The following IKZF1 variants were observed in gnomAD, a reference collection of about 807,000 sequenced individuals.
The protein encoded by IKZF1 is DNA-binding protein Ikaros.
A neutral mutation model predicts 51.7 loss-of-function variants in IKZF1; 10 were observed. The ratio of observed to expected loss-of-function variants is 0.19; its 90% CI spans 0.12 to 0.33. The LOEUF is 0.33. IKZF1 is among the 10% of genes least tolerant of loss of function. The probability of loss-of-function intolerance (pLI) is 1.00; values close to 1 mark genes in which losing one functional copy is unlikely to be tolerated. For synonymous variants in IKZF1, 280 were observed against 282.3 expected, an observed-to-expected ratio of 0.99 and a Z score of 0.08; for missense variants, 484 against 707.5, an observed-to-expected ratio of 0.68 and a Z score of 3.58.
At chr7:50,390,839 G>A (rs1814836783) in intron 6 of IKZF1, among the ~76,000 whole-genome samples, 1 of 151,380 alleles carries the variant, frequency 6.6e-6, no homozygotes, top group Non-Finnish European at 1.5e-5. Flanking sequence ...AATAGAGATG[G>A]ATACCCTACT....
chr7:50,394,739 A>G (rs1237424257), intron 7 of IKZF1, among the ~76,000 whole-genome samples: 1 of 152,214 alleles, frequency 6.6e-6, no homozygotes, highest in Non-Finnish European at 1.5e-5. Context: ...TCTATAACCT[A>G]TGATTAAAAT....
intron 3 of IKZF1, chr7:50,327,974 C>T (rs753276411): frequency 3.1e-5 from 16 of 521,450 alleles, no homozygotes; most frequent in South Asian, 1.1e-4. Flanking sequence ...CCACACACCC[C>T]GCAAAATGTC....
intron 3 of IKZF1, among the ~76,000 whole-genome samples, chr7:50,330,404 G>A (rs1291856949): frequency 3.3e-5 from 5 of 152,184 alleles, no homozygotes; most frequent in African/African-American, 1.2e-4. Flanking sequence ...GGCCACAGGA[G>A]TGATAGGTTA....
chr7:50,360,293 G>T (rs1020699544), intron 3 of IKZF1, among the ~76,000 whole-genome samples: 2 of 152,186 alleles, frequency 1.3e-5, no homozygotes, highest in Admixed American at 6.5e-5. Flanking sequence ...GGGAATGGCC[G>T]TGTCTGTCTG....
At chr7:50,378,192 A>G (rs973799691) in intron 4 of IKZF1, among the ~76,000 whole-genome samples, 5 of 152,232 alleles carry the variant, frequency 3.3e-5, no homozygotes, top group Admixed American at 6.5e-5. Flanking sequence ...TTTGTAGTGT[A>G]TCTGAAAACC....
Position 50,401,580 on chromosome 7 carries a change from C to T in IKZF1, c.*953C>T. ...GAAACCAAAGCTTTATTTCAAATCT[C>T]TTCCTTCCCTGGCTGGTTCCATCTA... On this transcript the variant is annotated 3_prime_UTR_variant, in exon 8 of 8. Coordinates refer to ENST00000331340, the MANE Select transcript of IKZF1 (RefSeq NM_006060.6). The T allele has an allele frequency of 4.5e-6, 1 of 221,952 alleles. No individual in the cohort carries two copies. Among genetic ancestry groups the T allele is most frequent in the East Asian group, 6.5e-5 (1 of 15,366 alleles). The allele number at this position is 221,952 out of a possible 1,614,324, so 13.7% of individuals were successfully genotyped here.
rs549816956 is a variant in IKZF1 at position 50,375,184 on chromosome 7, G to A, written c.161-1349G>A. ...CAACTGTAATCTCAACACTTTGGGAGGCCAAGTCAGGTGGATCACTGAGCT... is the reference window on the plus strand; with the variant it reads ...CAACTGTAATCTCAACACTTTGGGAAGCCAAGTCAGGTGGATCACTGAGCT... On this transcript the variant is annotated intron_variant, in intron 3 of 7. Coordinates refer to ENST00000331340, the MANE Select transcript of IKZF1 (RefSeq NM_006060.6). 2.0e-5 allele frequency among the ~76,000 whole-genome samples: 3 copies of A among 152,296 alleles called. No homozygotes were observed. In the South Asian group the frequency reaches 6.2e-4, roughly 32 times the overall value.
intron 3 of IKZF1, among the ~76,000 whole-genome samples, chr7:50,342,226 C>G (rs1799214235): frequency 6.6e-6 from 1 of 152,132 alleles, no homozygotes; most frequent in Non-Finnish European, 1.5e-5. Flanking sequence ...GTTTTAAGTA[C>G]AGGTCTTGTA....
chr7:50,402,683 A>G lies in IKZF1; in HGVS notation c.*2056A>G, dbSNP rs536373277. 225 of 230,682 alleles carry G rather than the reference A, an allele frequency of 9.8e-4. 1 individual carries two copies. The highest frequency in any genetic ancestry group is 4.8e-3 in the African/African-American group (216 of 45,330). 14.3% of individuals were successfully genotyped at this position (230,682 alleles called of 1,614,324 possible). ...ATCAATTATTCCCCTTCGGTCTTAA[A>G]AATATATTTCCTCATAAACATTTGA... On this transcript the variant is annotated 3_prime_UTR_variant, in exon 8 of 8. Transcript: ENST00000331340.
chr7:50,375,840 A>G (rs866733388), intron 3 of IKZF1, among the ~76,000 whole-genome samples: 79 of 152,242 alleles, frequency 5.2e-4, no homozygotes, highest in African/African-American at 1.8e-3. Flanking sequence ...AAGAAAGGAT[A>G]CCTCTTCTTT....
At position 50,314,859 on chromosome 7, in the gene IKZF1, G is replaced by A. The variant is rs1216339812; in HGVS notation, c.-14-4189G>A. ...TGCCAAGGCTCCTCACCTGGAAGCA[G>A]CAACTGCCCAGGGCTGTTGGATGTT... On this transcript the variant is annotated intron_variant, in intron 1 of 7. Coordinates refer to ENST00000331340, the MANE Select transcript of IKZF1 (RefSeq NM_006060.6). Among the ~76,000 whole-genome samples the A allele has an allele frequency of 2.6e-5, 4 of 152,372 alleles. No individual in the cohort carries two copies. The South Asian group carries it at 6.2e-4, about 24-fold the overall frequency.
At chr7:50,399,301 C>T (rs1332423824) in intron 7 of IKZF1, among the ~76,000 whole-genome samples, 2 of 151,960 alleles carry the variant, frequency 1.3e-5, no homozygotes, top group African/African-American at 4.8e-5. Flanking sequence ...GTTCATCTAC[C>T]TTTGGGTTAT....
chr7:50,340,107 G>A (rs1394965123), intron 3 of IKZF1, among the ~76,000 whole-genome samples: 1 of 152,140 alleles, frequency 6.6e-6, no homozygotes, highest in Non-Finnish European at 1.5e-5. Context: ...TCGCAGTAAG[G>A]GCTTAGCAAT....
intron 3 of IKZF1, among the ~76,000 whole-genome samples, chr7:50,350,461 A>G (rs1171130152): frequency 6.6e-6 from 1 of 151,898 alleles, no homozygotes; most frequent in Non-Finnish European, 1.5e-5. Flanking sequence ...CCCACCCATA[A>G]CCCATGCCCT....
chr7:50,333,927 G>A (rs1796977018), intron 3 of IKZF1, among the ~76,000 whole-genome samples: 1 of 152,164 alleles, frequency 6.6e-6, no homozygotes, highest in African/African-American at 2.4e-5. Flanking sequence ...ATCCCGGTTG[G>A]AAAGCCTCCC....
intron 3 of IKZF1, chr7:50,369,470 C>A: frequency 2.5e-6 from 1 of 398,510 alleles, no homozygotes; most frequent in South Asian, 1.3e-4. Context: ...TATATTTATG[C>A]AAATGTGTCC....
intron 5 of IKZF1, among the ~76,000 whole-genome samples, chr7:50,385,124 T>C (rs1812983901): frequency 6.6e-6 from 1 of 152,260 alleles, no homozygotes; most frequent in South Asian, 2.1e-4. Flanking sequence ...ATTTCTATTC[T>C]GGATCCACGG....
intron 3 of IKZF1, among the ~76,000 whole-genome samples, chr7:50,338,792 G>T (rs1798378459): frequency 6.6e-6 from 1 of 152,206 alleles, no homozygotes; most frequent in East Asian, 1.9e-4. Flanking sequence ...GCAGGGCTGG[G>T]CCTGGGCTAC....
At chr7:50,324,605 G>A (rs1794363700) in intron 2 of IKZF1, among the ~76,000 whole-genome samples, 1 of 152,092 alleles carries the variant, frequency 6.6e-6, no homozygotes, top group Non-Finnish European at 1.5e-5. Flanking sequence ...AAAAATAAAT[G>A]TCCTGAGATG....
Sources: allele counts gnomAD v4.1 joint callset (sites outside exome capture counted in the v4.1 genomes callset), GRCh38; gene constraint gnomAD v4.1.1; transcripts MANE v1.5; gene names NCBI Gene and HGNC (gene_info 2026-07-23, HGNC 2026-07-21).